The following SCRN1 variants were observed in gnomAD, a reference collection of about 807,000 sequenced individuals.
The protein encoded by SCRN1 is secernin 1.
A neutral mutation model predicts 43.3 loss-of-function variants in SCRN1; 19 were observed. The observed-to-expected ratio is 0.44, with a 90% CI of 0.31 to 0.64. The LOEUF is 0.64. Among genes scored for constraint, SCRN1 ranks in the 30% least tolerant of loss-of-function variants. The pLI is 0.09. For synonymous variants in SCRN1, 183 were observed against 188.9 expected, an observed-to-expected ratio of 0.97 and a Z score of 0.26; for missense variants, 447 against 524.1, an observed-to-expected ratio of 0.85 and a Z score of 1.44.
At chr7:29,989,529 G>A (rs576939698) in intron 1 of SCRN1, 113 bp downstream of exon 1, 1 of 983,574 alleles carries the variant, frequency 1.0e-6, no homozygotes, top group Non-Finnish European at 1.2e-6. Context: ...GCTACCCGCG[G>A]GTTCGGAGGG....
In SCRN1 at chr7:29,955,917, TG is replaced by T. The variant is rs201113726; in HGVS notation, c.160-558del. Among the ~76,000 whole-genome samples the T allele has an allele frequency of 7.0e-4, 107 of 152,324 alleles. No individual in the cohort carries two copies. The East Asian group carries it at 0.014, about 21-fold the overall frequency. Reference sequence around the variant, plus strand: ...TGCATTTAACTACTGCATTACACTGTGGGATTTCCTGCCTGTCCCATTTGAT... The same window carrying T: ...TGCATTTAACTACTGCATTACACTGTGGATTTCCTGCCTGTCCCATTTGAT... On this transcript the variant is annotated intron_variant, in intron 2 of 7. Transcript: ENST00000242059.
chr7:29,982,433 A>T (rs1789017394), intron 1 of SCRN1, among the ~76,000 whole-genome samples: 1 of 150,238 alleles, frequency 6.7e-6, no homozygotes, highest in Non-Finnish European at 1.5e-5. Context: ...TAATCACAGT[A>T]GTTTGGGAGG....
chr7:29,936,301 A>G (rs1347938624), intron 6 of SCRN1, among the ~76,000 whole-genome samples: 2 of 152,198 alleles, frequency 1.3e-5, no homozygotes, highest in East Asian at 3.8e-4. Context: ...AAGGACCACA[A>G]TTACTTTCGC....
At chr7:29,979,082 C>G (rs775927978) in intron 1 of SCRN1, among the ~76,000 whole-genome samples, 34 of 152,252 alleles carry the variant, frequency 2.2e-4, no homozygotes, top group Non-Finnish European at 4.7e-4. Context: ...CAAAAATTTT[C>G]CGCCGGGTGT....
chr7:29,933,935 A>AT lies in SCRN1; in HGVS notation c.905+2620dup, dbSNP rs1787241409. Among the ~76,000 whole-genome samples, 3 of 152,332 alleles carry AT rather than the reference A, an allele frequency of 2.0e-5. No individual in the cohort carries two copies. In the South Asian group the frequency reaches 6.2e-4, roughly 32 times the overall value. On this transcript the variant is annotated intron_variant, in intron 6 of 7. Coordinates refer to ENST00000242059, the MANE Select transcript of SCRN1 (RefSeq NM_014766.5). ...CTGCTACTATGAAACAATTTCTAAC[A>AT]TTTTTAGCATTAACAGAAGCCAAAA...
intron 6 of SCRN1, among the ~76,000 whole-genome samples, chr7:29,926,971 T>C (rs1786983338): frequency 6.6e-6 from 1 of 151,810 alleles, no homozygotes; most frequent in Non-Finnish European, 1.5e-5. Flanking sequence ...AGGAGCCATC[T>C]AGCTGAGCGA....
chr7:29,973,123 G>A lies in SCRN1; in HGVS notation c.-1-4055C>T, dbSNP rs552773043. On this transcript the variant is annotated intron_variant, in intron 1 of 7. Transcript: ENST00000242059. ...AGCAAAGAGGAGGTGGGACACTTCC[G>A]GAAGACTGAAGAAAACAAACTTTAG... Among the ~76,000 whole-genome samples the A allele has an allele frequency of 8.5e-5, 13 of 152,250 alleles. No individual in the cohort carries two copies. The South Asian group carries it at 2.5e-3, about 29-fold the overall frequency.
At chr7:29,983,358 C>T (rs1190229012) in intron 1 of SCRN1, among the ~76,000 whole-genome samples, 5 of 149,312 alleles carry the variant, frequency 3.3e-5, no homozygotes, top group African/African-American at 9.9e-5. Flanking sequence ...TGCTAGATGA[C>T]GAGTTGGTGG....
rs192382678 is a variant in SCRN1 at position 29,958,873 on chromosome 7, A to G, written c.160-3513T>C. Among the ~76,000 whole-genome samples, 379 of 152,324 alleles carry G rather than the reference A, an allele frequency of 2.5e-3. 2 individuals carry two copies. The highest frequency in any genetic ancestry group is 0.022 in the Admixed American group (334 of 15,308). ...ATTCTTCTAAATGTCAGCACTGCCC[A>G]GTGCTAATCAGGGGGTTTCCAAGGA... On this transcript the variant is annotated intron_variant, in intron 2 of 7. Coordinates refer to ENST00000242059, the MANE Select transcript of SCRN1 (RefSeq NM_014766.5).
chr7:29,940,178 A>G (rs1787490015), intron 5 of SCRN1, among the ~76,000 whole-genome samples: 1 of 152,084 alleles, frequency 6.6e-6, no homozygotes, highest in Non-Finnish European at 1.5e-5. Context: ...AAACAAACAA[A>G]CAAATAAATA....
At chr7:29,989,880 C>T (rs550550017), upstream of SCRN1, 1 of 1,036,504 alleles carries the variant, frequency 9.6e-7, no homozygotes, top group African/African-American at 1.7e-5. Context: ...CCTCCCCCAC[C>T]CCGGCCCCCG....
intron 3 of SCRN1, among the ~76,000 whole-genome samples, chr7:29,951,084 G>A (rs536826911): frequency 6.6e-6 from 1 of 152,370 alleles, no homozygotes; most frequent in Non-Finnish European, 1.5e-5. Context: ...TCCAGACCTA[G>A]GGGCTCCCTG....
chr7:29,926,986 G>A (rs1477985052), intron 6 of SCRN1, among the ~76,000 whole-genome samples: 2 of 151,448 alleles, frequency 1.3e-5, no homozygotes, highest in Non-Finnish European at 1.5e-5. Context: ...GAGCGAGAGA[G>A]GTTTGCCTTT....
chr7:29,943,930 G>T, intron 4 of SCRN1, 47 bp downstream of exon 4: 1 of 1,583,378 alleles, frequency 6.3e-7, no homozygotes, highest in South Asian at 1.1e-5. Flanking sequence ...CCCCATCTCT[G>T]TGGCCTTCCC....
intron 3 of SCRN1, chr7:29,947,351 T>G: frequency 1.9e-6 from 3 of 1,547,690 alleles, no homozygotes. Flanking sequence ...CACCTGTACT[T>G]CTCCTGCTTA....
chr7:29,969,123 C>T, intron 1 of SCRN1, 55 bp from the exon 2 acceptor site: 1 of 1,568,818 alleles, frequency 6.4e-7, no homozygotes, highest in Admixed American at 1.9e-5. Context: ...AACACTCCAA[C>T]AGTGAGTTCT....
intron 3 of SCRN1, chr7:29,947,293 C>T: frequency 1.3e-6 from 2 of 1,550,834 alleles, no homozygotes; most frequent in Non-Finnish European, 1.7e-6. Flanking sequence ...CAAGCTCACC[C>T]TGCCCGTTCC....
chr7:29,970,105 A>G (rs886175505), intron 1 of SCRN1, among the ~76,000 whole-genome samples: 1 of 152,180 alleles, frequency 6.6e-6, no homozygotes, highest in African/African-American at 2.4e-5. Context: ...CCCCACTCCA[A>G]AACATTCTCT....
chr7:29,922,188 C>A lies in SCRN1; in HGVS notation c.*1769G>T, dbSNP rs544633298. The A allele has an allele frequency of 4.6e-5, 7 of 152,328 alleles. No homozygotes were observed. The East Asian group carries it at 1.2e-3, about 25-fold the overall frequency. The allele number at this position is 152,328 out of a possible 1,614,324, so 9.4% of individuals were successfully genotyped here. On this transcript the variant is annotated 3_prime_UTR_variant, in exon 8 of 8. Coordinates refer to ENST00000242059, the MANE Select transcript of SCRN1 (RefSeq NM_014766.5). ...GGCCACCATTATTGGTTGCCATTAA[C>A]TCTGTCAGCTGAAATCGTCTTCCCA...
Sources: gnomAD v4.1 joint callset for allele counts (sites outside exome capture counted in the v4.1 genomes callset) on GRCh38, gnomAD v4.1.1 for gene constraint, MANE v1.5 for transcripts, NCBI Gene and HGNC (gene_info 2026-07-23, HGNC 2026-07-21) for gene names.